Variants in AHNAK observed in about 807,000 individuals in gnomAD.
AHNAK encodes the protein AHNAK nucleoprotein.
A neutral mutation model predicts 37.8 loss-of-function variants in AHNAK; 23 were observed. The ratio of observed to expected loss-of-function variants is 0.61; its 90% CI spans 0.44 to 0.86. AHNAK has a LOEUF of 0.86. AHNAK is among the 40% of genes least tolerant of loss of function. The probability of loss-of-function intolerance (pLI) is 0.00; values close to 1 mark genes in which losing one functional copy is unlikely to be tolerated. For synonymous variants in AHNAK, 2,481 were observed against 2,636.3 expected (o/e 0.94, Z 1.80); for missense variants, 7,411 against 7,319.4 (o/e 1.01, Z -0.46).
intron 5 of AHNAK, among the ~76,000 whole-genome samples, chr11:62,452,904 A>G (rs994930334): frequency 3.3e-5 from 5 of 152,160 alleles, no homozygotes; most frequent in African/African-American, 1.2e-4. Context: ...ACGCACCTGT[A>G]GTCCCAGCCA....
At chr11:62,477,100 T>C (rs1370938221) in intron 5 of AHNAK, among the ~76,000 whole-genome samples, 3 of 152,152 alleles carry the variant, frequency 2.0e-5, no homozygotes, top group Non-Finnish European at 4.4e-5. Context: ...TGACTACCAC[T>C]TCTTCAGGCA....
At chr11:62,499,021 G>C (rs1159474000) in intron 4 of AHNAK, among the ~76,000 whole-genome samples, 1 of 152,188 alleles carries the variant, frequency 6.6e-6, no homozygotes, top group Non-Finnish European at 1.5e-5. Flanking sequence ...CTATATTCCA[G>C]CGGACTTTAT....
chr11:62,542,838 G>T (rs1353083040), intron 1 of AHNAK, among the ~76,000 whole-genome samples: 1 of 152,232 alleles, frequency 6.6e-6, no homozygotes, highest in Non-Finnish European at 1.5e-5. Context: ...GGGTGGAGCA[G>T]AACGCTTGGT....
chr11:62,517,010 C>T lies in AHNAK; in HGVS notation c.17407G>A (p.Gly5803Ser). Residue 5803 changes from glycine (G) to serine (S), a missense_variant, in exon 5 of 5, where the codon GGT (glycine) becomes AGT (serine). Coordinates refer to ENST00000378024, the MANE Select transcript of AHNAK (RefSeq NM_001620.3). ...STPTGTLEFE[G>S]GEVSLEGGKV... ...CCACCTTCCAGAGACACTTCCCCACCTTCAAACTCCAGCGTCCCCGTCGGG... is the reference window on the plus strand; with the variant it reads ...CCACCTTCCAGAGACACTTCCCCACTTTCAAACTCCAGCGTCCCCGTCGGG... 2 of 1,614,230 alleles carry T rather than the reference C, an allele frequency of 1.2e-6. No individual in the cohort carries two copies. The highest frequency in any genetic ancestry group is 1.7e-6 in the Non-Finnish European group (2 of 1,180,048).
rs760315299 is a variant in AHNAK, at chr11:62,519,387, A to G, written c.15030T>C (p.Pro5010=). 6.2e-7 allele frequency: 1 copy of G among 1,613,882 alleles called. No individual in the cohort carries two copies. Among genetic ancestry groups the G allele is most frequent in the Non-Finnish European group, 8.5e-7 (1 of 1,179,908 alleles). The change falls in exon 5 of 5, where the codon CCT becomes CCC. Residue 5010 remains proline, a synonymous_variant. Transcript: ENST00000378024. Reference sequence around the variant, plus strand: ...TGCCCTTGCCACCAACACTAATTTCAGGAGTCTCAAGGTTCAGCTCTGCCT... The same window carrying G: ...TGCCCTTGCCACCAACACTAATTTCGGGAGTCTCAAGGTTCAGCTCTGCCT... ...VPEAELNLET[P]EISVGGKGKK... is the part of the protein sequence containing the mutation.
intron 4 of AHNAK, among the ~76,000 whole-genome samples, chr11:62,502,027 C>T (rs952509662): frequency 1.3e-5 from 2 of 152,242 alleles, no homozygotes; most frequent in African/African-American, 4.8e-5. Context: ...TCGGACCAAA[C>T]TGGGCAGATT....
rs371191351 is a variant in AHNAK at position 62,531,820 on chromosome 11, A to C, written c.2597T>G (p.Val866Gly). 4.4e-5 allele frequency: 71 copies of C among 1,613,576 alleles called. No homozygotes were observed. The highest frequency in any genetic ancestry group is 2.7e-4 in the Admixed American group (16 of 59,924). Reference sequence around the variant, plus strand: ...GTGCCAGTCTGGGCCTTGAACCTCCACATCTGGGACATCAATGTCCATTTT... The same window carrying C: ...GTGCCAGTCTGGGCCTTGAACCTCCCCATCTGGGACATCAATGTCCATTTT... ...SAKMDIDVPD[V>G]EVQGPDWHLK... Residue 866 changes from valine (V) to glycine (G), a missense_variant, in exon 5 of 5, where the codon GTG becomes GGG. Val to Gly is a moderately radical substitution (Grantham distance 109, BLOSUM62 -3). Transcript: ENST00000378024.
rs568153579 is a variant in AHNAK at position 62,462,688 on chromosome 11, A to G, written c.443-28797T>C. On this transcript the variant is annotated intron_variant, in intron 5 of 5. Transcript: ENST00000257247. ...TAATCTTAAGGATCAGTTATCTAAAATCGCCCAGAAAATGGGCAGAAGGAG... is the reference window on the plus strand; with the variant it reads ...TAATCTTAAGGATCAGTTATCTAAAGTCGCCCAGAAAATGGGCAGAAGGAG... Among the ~76,000 whole-genome samples, 5 of 152,330 alleles carry G rather than the reference A, an allele frequency of 3.3e-5. No homozygotes were observed. In the South Asian group the frequency reaches 1.0e-3, roughly 32 times the overall value.
exon 6 of AHNAK, chr11:62,433,614 C>T: frequency 1.9e-6 from 1 of 537,510 alleles, no homozygotes; most frequent in Admixed American, 3.5e-5. Context: ...TGCCAAAGCC[C>T]CCTCTAGTCC....
At chr11:62,467,557 C>T (rs1297535710) in intron 5 of AHNAK, among the ~76,000 whole-genome samples, 4 of 152,146 alleles carry the variant, frequency 2.6e-5, no homozygotes, top group South Asian at 2.1e-4. Flanking sequence ...TGGTAGCGCG[C>T]GCCTGTAATT....
At position 62,527,481 on chromosome 11, in the gene AHNAK, G is replaced by T. The variant is rs1179526278; in HGVS notation, c.6936C>A (p.Ile2312=). The part of the protein sequence containing the change: ...MPEMHFKTPK[I]SMPDVDFNLK... ...AATTGAAATCAACATCAGGCATGGAGATCTTGGGGGTCTTGAAGTGCATCT... is the reference window on the plus strand; with the variant it reads ...AATTGAAATCAACATCAGGCATGGATATCTTGGGGGTCTTGAAGTGCATCT... The change falls in exon 5 of 5, where the codon ATC becomes ATA. Residue 2312 remains isoleucine, a synonymous_variant. Coordinates refer to ENST00000378024, the MANE Select transcript of AHNAK (RefSeq NM_001620.3). 4 of 1,614,188 alleles carry T rather than the reference G, an allele frequency of 2.5e-6. No individual in the cohort carries two copies. The East Asian group carries it at 6.7e-5, about 27-fold the overall frequency.
At chr11:62,546,234 G>A (rs1941307950) in intron 1 of AHNAK, among the ~76,000 whole-genome samples, 1 of 152,124 alleles carries the variant, frequency 6.6e-6, no homozygotes, top group Non-Finnish European at 1.5e-5. Context: ...GGAGGCGCTG[G>A]GGGCCGCGGT....
Position 62,532,375 on chromosome 11 carries a change from T to G in AHNAK, c.2042A>C (p.Lys681Thr). ...ATCAGGCAGCTTAACATCGGGGCCT[T>G]TAAGTTTTCCCCCCAGACCCTCCAA... ...VNLEGLGGKL[K>T]GPDVKLPDMS... is the part of the protein sequence containing the mutation. Residue 681 changes from lysine (K) to threonine (T), a missense_variant, in exon 5 of 5, where the codon AAA becomes ACA. Lys to Thr is a moderately conservative substitution (Grantham distance 78). Coordinates refer to ENST00000378024, the MANE Select transcript of AHNAK (RefSeq NM_001620.3). The G allele has an allele frequency of 6.2e-7, 1 of 1,614,136 alleles. No homozygotes were observed. The highest frequency in any genetic ancestry group is 8.5e-7 in the Non-Finnish European group (1 of 1,180,024).
At chr11:62,545,816 GGCCAGGC>G (rs1241571369) in intron 1 of AHNAK, 2 of 152,426 alleles carry the variant, frequency 1.3e-5, no homozygotes, top group Non-Finnish European at 2.9e-5. Context: ...GCTGGCGCCG[GGCCAGGC>G]TCTGGGGCGG....
chr11:62,476,444 G>A (rs1424651725), intron 5 of AHNAK, among the ~76,000 whole-genome samples: 2 of 152,120 alleles, frequency 1.3e-5, no homozygotes, highest in African/African-American at 2.4e-5. Context: ...GGAGCGTCGT[G>A]GCGCCAGCCA....
At chr11:62,465,205 C>G (rs1938881537) in intron 5 of AHNAK, among the ~76,000 whole-genome samples, 1 of 152,166 alleles carries the variant, frequency 6.6e-6, no homozygotes, top group African/African-American at 2.4e-5. Context: ...CACTGATGGC[C>G]CTTGCGGTGG....
At chr11:62,537,956 A>C (rs1277188217) in intron 1 of AHNAK, among the ~76,000 whole-genome samples, 1 of 151,984 alleles carries the variant, frequency 6.6e-6, no homozygotes, top group Admixed American at 6.6e-5. Context: ...TGCTGGGATT[A>C]CGGGCGTGAC....
At chr11:62,494,940 C>T (rs1344435243) in intron 4 of AHNAK, among the ~76,000 whole-genome samples, 1 of 149,480 alleles carries the variant, frequency 6.7e-6, no homozygotes. Context: ...GCGGAGGTTG[C>T]AGTGAGCCAA....
chr11:62,483,535 G>A (rs1301751914), intron 5 of AHNAK, among the ~76,000 whole-genome samples: 7 of 151,672 alleles, frequency 4.6e-5, no homozygotes, highest in African/African-American at 1.5e-4. Context: ...GACCATCCTG[G>A]CTAACACGGT....
Sources: gnomAD v4.1 joint callset for allele counts (sites outside exome capture counted in the v4.1 genomes callset) on GRCh38, gnomAD v4.1.1 for gene constraint, MANE v1.5 for transcripts, NCBI Gene and HGNC (gene_info 2026-07-23, HGNC 2026-07-21) for gene names.